Variants in GLYATL1 observed in about 807,000 individuals in gnomAD.
GLYATL1 encodes glycine N-acyltransferase-like protein 1.
In GLYATL1, 15 loss-of-function variants were observed where a neutral mutation model predicts 20.0. The ratio of observed to expected loss-of-function variants is 0.75; its 90% confidence interval spans 0.50 to 1.15. The LOEUF (loss-of-function observed/expected upper bound fraction) is 1.15. Among genes scored for constraint, GLYATL1 ranks in the 50% most tolerant of loss-of-function variants. GLYATL1 has a pLI of 0.00. For missense variants in GLYATL1, 380 were observed against 368.5 expected (o/e 1.03, Z -0.26); for synonymous variants, 151 against 131.5 (o/e 1.15, Z -1.01).
Position 58,947,031 on chromosome 11 carries a change from T to G in GLYATL1, c.-42-15T>G. ...TGTTTCCTTAACATTTTCCCTTCAT[T>G]TCTTATCTTTTCAGAGTTTCTTCTT... On this transcript the variant is annotated splice_polypyrimidine_tract_variant and intron_variant, in intron 2 of 6. Transcript: ENST00000532726. 6.3e-7 allele frequency: 1 copy of G among 1,594,952 alleles called. No individual in the cohort carries two copies. Among genetic ancestry groups the G allele is most frequent in the Non-Finnish European group, 8.6e-7 (1 of 1,162,502 alleles).
downstream of GLYATL1, among the ~76,000 whole-genome samples, chr11:58,910,579 C>A (rs1590765181): frequency 6.6e-6 from 1 of 152,244 alleles, no homozygotes; most frequent in East Asian, 1.9e-4. Flanking sequence ...TAGTACTAGT[C>A]TACGGCATCC....
chr11:58,925,233 G>A (rs1194631099), upstream of GLYATL1, among the ~76,000 whole-genome samples: 2 of 152,158 alleles, frequency 1.3e-5, no homozygotes, highest in Non-Finnish European at 1.5e-5. Context: ...TCATTTTAAT[G>A]TCTAGTTTAC....
intron 3 of GLYATL1, chr11:58,947,461 T>A (rs1291485236): frequency 2.0e-6 from 1 of 488,926 alleles, no homozygotes; most frequent in African/African-American, 1.9e-5. Context: ...CATTTTCTAG[T>A]CAGATGGCTT....
intron 1 of GLYATL1, among the ~76,000 whole-genome samples, chr11:58,933,053 T>A (rs1215001145): frequency 6.6e-6 from 1 of 152,126 alleles, no homozygotes; most frequent in Non-Finnish European, 1.5e-5. Context: ...ACCTGAGAAG[T>A]ATTCACAGGA....
rs528627474 is a variant in GLYATL1 at position 58,933,797 on chromosome 11, G to A, written c.-212+5968G>A. ...TAGTCATCCAGCAACTCTTTGTAGG[G>A]TGTCTAGTGTGGTCTGCAGGTGAAC... On this transcript the variant is annotated intron_variant, in intron 1 of 7. Coordinates refer to the GLYATL1 transcript ENST00000317391. The A allele has an allele frequency of 8.1e-4, 124 of 152,336 alleles. 1 individual carries two copies. The highest frequency in any genetic ancestry group is 2.9e-3 in the African/African-American group (121 of 41,572). 9.4% of individuals were successfully genotyped at this position (152,336 alleles called of 1,614,324 possible). A position where few individuals can be genotyped will look rare whatever the true frequency, so the allele number is the denominator to read the frequency against.
intron 4 of GLYATL1, among the ~76,000 whole-genome samples, chr11:58,951,228 A>G (rs1270846392): frequency 6.6e-6 from 1 of 152,134 alleles, no homozygotes; most frequent in African/African-American, 2.4e-5. Flanking sequence ...ATATTTTTGA[A>G]TAGCATGAAT....
intron 4 of GLYATL1, among the ~76,000 whole-genome samples, chr11:58,952,608 A>G (rs1017154428): frequency 6.6e-6 from 1 of 152,170 alleles, no homozygotes; most frequent in Non-Finnish European, 1.5e-5. Context: ...GATTTGTTAC[A>G]TGGGAAGATT....
intron 4 of GLYATL1, 124 bp from the exon 5 acceptor site, chr11:58,954,646 C>G: frequency 1.3e-6 from 1 of 792,298 alleles, no homozygotes; most frequent in Non-Finnish European, 2.0e-6. Context: ...ATGTGCCCAA[C>G]TGCAGCCATC....
At chr11:58,911,683 C>G (rs1855047748), downstream of GLYATL1, among the ~76,000 whole-genome samples, 1 of 152,102 alleles carries the variant, frequency 6.6e-6, no homozygotes, top group South Asian at 2.1e-4. Context: ...TTTGAGAGGG[C>G]TTTACATATT....
At chr11:58,951,377 T>C (rs1384910275) in intron 4 of GLYATL1, among the ~76,000 whole-genome samples, 7 of 152,136 alleles carry the variant, frequency 4.6e-5, no homozygotes, top group African/African-American at 1.7e-4. Context: ...TGTTTCTGTA[T>C]TTTTTCTAGT....
At chr11:58,920,248 G>A (rs940131211) in intron 1 of GLYATL1, among the ~76,000 whole-genome samples, 2 of 152,008 alleles carry the variant, frequency 1.3e-5, no homozygotes, top group African/African-American at 4.8e-5. Context: ...TTGTATTTTA[G>A]TTTATTTCCT....
chr11:58,944,119 T>C (rs1386030226), intron 2 of GLYATL1, among the ~76,000 whole-genome samples: 1 of 152,192 alleles, frequency 6.6e-6, no homozygotes, highest in African/African-American at 2.4e-5. Context: ...TACCAAGTCT[T>C]ACAGAAATGG....
intron 1 of GLYATL1, among the ~76,000 whole-genome samples, chr11:58,931,644 C>A (rs1855603905): frequency 6.6e-6 from 1 of 152,066 alleles, no homozygotes; most frequent in Admixed American, 6.6e-5. Context: ...AGAATACATC[C>A]TTTGAAAGAT....
intron 1 of GLYATL1, among the ~76,000 whole-genome samples, chr11:58,932,008 A>AG (rs1188172938): frequency 1.4e-5 from 2 of 143,784 alleles, no homozygotes; most frequent in African/African-American, 2.5e-5. Context: ...GCTACTTGGG[A>AG]GGCTGAGGTG....
chr11:58,945,970 C>T (rs1425004699), intron 2 of GLYATL1, among the ~76,000 whole-genome samples: 1 of 152,206 alleles, frequency 6.6e-6, no homozygotes, highest in Non-Finnish European at 1.5e-5. Flanking sequence ...TATTACTTAA[C>T]ACATATTTGT....
rs1169391143 is a variant in GLYATL1, at chr11:58,939,530, T to C, written c.-287T>C. The C allele has an allele frequency of 5.9e-5, 9 of 152,220 alleles. No homozygotes were observed. The highest frequency in any genetic ancestry group is 5.9e-4 in the Admixed American group (9 of 15,282). The allele number at this position is 152,220 out of a possible 1,614,324, so 9.4% of individuals were successfully genotyped here. On this transcript the variant is annotated 5_prime_UTR_variant, in exon 1 of 7. Coordinates refer to ENST00000532726, the MANE Select transcript of GLYATL1 (RefSeq NM_001389712.2). ...GAGTCTCACAGAACTACTAAGCAGC[T>C]GCTTACCCAATTTTGGCTGGAGAGA...
chr11:58,948,061 A>G, intron 4 of GLYATL1, 96 bp downstream of exon 4: 1 of 775,182 alleles, frequency 1.3e-6, no homozygotes. Flanking sequence ...ATAGGGTGAA[A>G]GGAAACGTGA....
intron 1 of GLYATL1, among the ~76,000 whole-genome samples, chr11:58,933,383 G>A (rs970342167): frequency 3.9e-4 from 60 of 152,094 alleles, no homozygotes; most frequent in African/African-American, 1.4e-3. Context: ...AATGATCCAA[G>A]CCCAGCTGTC....
intron 1 of GLYATL1, among the ~76,000 whole-genome samples, chr11:58,915,573 T>A (rs1192505603): frequency 6.6e-6 from 1 of 152,168 alleles, no homozygotes; most frequent in Non-Finnish European, 1.5e-5. Flanking sequence ...GCCAGCAAGA[T>A]CAACACAATC....
Sources: allele counts gnomAD v4.1 joint callset (sites outside exome capture counted in the v4.1 genomes callset), GRCh38; gene constraint gnomAD v4.1.1; transcripts MANE v1.5; gene names NCBI Gene and HGNC (gene_info 2026-07-23, HGNC 2026-07-21).